DEFB113: variants seen among roughly 807,000 people sequenced by gnomAD.
DEFB113 encodes the protein beta-defensin 113.
A neutral mutation model predicts 2.5 loss-of-function variants in DEFB113; 5 were observed. The ratio of observed to expected loss-of-function variants is 1.99; its 90% CI spans 1.04 to 4.18. The LOEUF (loss-of-function observed/expected upper bound fraction) is 4.18, where lower values mean the gene tolerates loss of function less well. Ranked by LOEUF, DEFB113 falls within the 30% of genes most tolerant of loss-of-function variation. The pLI is 0.00. For synonymous variants in DEFB113, 42 were observed against 31.6 expected (o/e 1.33, Z -1.11); for missense variants, 123 against 96.6 (o/e 1.27, Z -1.14).
In DEFB113 at chr6:49,969,476, A is replaced by G. The variant is rs1022202755; in HGVS notation, c.58+92T>C. 4 of 960,100 alleles carry G rather than the reference A, an allele frequency of 4.2e-6. No individual in the cohort carries two copies. In the African/African-American group the frequency reaches 6.7e-5, roughly 16 times the overall value. The allele number at this position is 960,100 out of a possible 1,614,324, so 59.5% of individuals were successfully genotyped here. ...ATAAGGAGTTCATATGAAATCTCCT[A>G]ACAATAATTTATTTGTTTTTATTAT... On this transcript the variant is annotated intron_variant, in intron 1 of 1. Coordinates refer to ENST00000398718, the MANE Select transcript of DEFB113 (RefSeq NM_001037729.1).
intron 1 of DEFB113, 77 bp downstream of exon 1, chr6:49,969,491 G>GT (rs1773598160): frequency 1.9e-6 from 2 of 1,074,492 alleles, no homozygotes; most frequent in East Asian, 2.5e-5. Context: ...TAATTTATTT[G>GT]TTTTTATTAT....
intron 1 of DEFB113, among the ~76,000 whole-genome samples, chr6:49,969,240 G>C (rs535935606): frequency 3.6e-4 from 54 of 151,084 alleles, no homozygotes; most frequent in African/African-American, 1.3e-3. Flanking sequence ...GCTGTAAAAA[G>C]CTTAATTTTG....
intron 1 of DEFB113, among the ~76,000 whole-genome samples, chr6:49,969,367 A>G (rs1440558841): frequency 1.3e-5 from 2 of 151,214 alleles, no homozygotes; most frequent in South Asian, 4.1e-4. Flanking sequence ...TTAATTCTAC[A>G]TCTCAGGAAG....
Position 49,968,679 on chromosome 6 carries a change from A to T in DEFB113, c.247T>A (p.Ter83LysextTer?). 6.8e-7 allele frequency: 1 copy of T among 1,463,884 alleles called. No homozygotes were observed. Among genetic ancestry groups the T allele is most frequent in the South Asian group, 1.4e-5 (1 of 70,120 alleles). The allele number at this position is 1,463,884 out of a possible 1,614,324, so 90.7% of individuals were successfully genotyped here. ...NKITSKLHQK[*>K] ...ATACAGTGTTTTATAATTATAATTT[A>T]TTTTTGATGGAGTTTACTAGTGATT... The change falls in exon 2 of 2, where the codon TAA becomes AAA. Residue 83 changes from the stop codon to lysine, a stop_lost. Transcript: ENST00000398718.
intron 1 of DEFB113, among the ~76,000 whole-genome samples, chr6:49,969,318 A>T (rs1773596139): frequency 6.6e-6 from 1 of 151,294 alleles, no homozygotes; most frequent in Non-Finnish European, 1.5e-5. Flanking sequence ...TATCTAAAAA[A>T]TTATAGTGTC....
Position 49,969,608 on chromosome 6 carries a change from A to T in DEFB113, c.18T>A (p.Ile6=). The T allele has an allele frequency of 6.2e-7, 1 of 1,606,706 alleles. No homozygotes were observed. Among genetic ancestry groups the T allele is most frequent in the Non-Finnish European group, 8.5e-7 (1 of 1,175,078 alleles). MKILC[I]FLTFVFTVSC... ...ACACAGTGAAGACAAAGGTCAGAAA[A>T]ATACAAAGTATCTTCATTGCTGATG... The change falls in exon 1 of 2, where the codon ATT becomes ATA. Residue 6 remains isoleucine, a synonymous_variant. Transcript: ENST00000398718.
rs1561979240 is a variant in DEFB113, at chr6:49,968,767, A to C, written c.159T>G (p.Tyr53Ter). The C allele has an allele frequency of 1.9e-6, 3 of 1,600,338 alleles. No homozygotes were observed. Among genetic ancestry groups the C allele is most frequent in the Middle Eastern group, 1.7e-4 (1 of 6,030 alleles). Residue 53 changes from tyrosine to a stop codon, truncating the protein, a stop_gained, in exon 2 of 2, where the codon TAT becomes TAG. Coordinates refer to ENST00000398718, the MANE Select transcript of DEFB113 (RefSeq NM_001037729.1). LOFTEE classifies it low-confidence loss of function (END_TRUNC). Reference sequence around the variant, plus strand: ...AGCAGGGGTTAACATTGCAGTAATAATATACATATTCCCAGCTGTTGCATT... The same window carrying C: ...AGCAGGGGTTAACATTGCAGTAATACTATACATATTCCCAGCTGTTGCATT... ...KPECNSWEYV[Y>*]YYCNVNPCCA...
At chr6:49,969,343 C>A (rs371694651) in intron 1 of DEFB113, among the ~76,000 whole-genome samples, 1 of 151,090 alleles carries the variant, frequency 6.6e-6, no homozygotes, top group Non-Finnish European at 1.5e-5. Context: ...CACAAAACAA[C>A]ACAATAAATA....
At chr6:49,969,427 T>A in intron 1 of DEFB113, 141 bp downstream of exon 1, 2 of 543,428 alleles carry the variant, frequency 3.7e-6, no homozygotes, top group East Asian at 3.1e-5. Flanking sequence ...TCTTCCCCCA[T>A]GAAAAAATAG....
At position 49,969,589 on chromosome 6, in the gene DEFB113, T is replaced by C; in HGVS notation, c.37A>G (p.Thr13Ala). The part of the protein sequence containing the change: ...ILCIFLTFVF[T>A]VSCGPSVPQK... ...TTACCTGATGGACCACAAGACACAG[T>C]GAAGACAAAGGTCAGAAAAATACAA... The change falls in exon 1 of 2, where the codon ACT (threonine) becomes GCT (alanine). Residue 13 changes from threonine (T) to alanine (A), a missense_variant. Transcript: ENST00000398718. 1 of 1,607,098 alleles carries C rather than the reference T, an allele frequency of 6.2e-7. No individual in the cohort carries two copies. The highest frequency in any genetic ancestry group is 8.5e-7 in the Non-Finnish European group (1 of 1,175,356).
intron 1 of DEFB113, among the ~76,000 whole-genome samples, 162 bp from the exon 2 acceptor site, chr6:49,969,029 T>C (rs1773591925): frequency 1.3e-5 from 2 of 151,288 alleles, no homozygotes; most frequent in African/African-American, 4.8e-5. Context: ...AATATACTTA[T>C]TTATCTAACA....
chr6:49,969,500 A>G (rs1773598202), intron 1 of DEFB113, 68 bp downstream of exon 1: 1 of 1,141,598 alleles, frequency 8.8e-7, no homozygotes, highest in African/African-American at 1.6e-5. Flanking sequence ...TGTTTTTATT[A>G]TTTTCAGAGT....
At chr6:49,969,164 T>A (rs1773594001) in intron 1 of DEFB113, among the ~76,000 whole-genome samples, 1 of 151,152 alleles carries the variant, frequency 6.6e-6, no homozygotes, top group Non-Finnish European at 1.5e-5. Context: ...GCCTACATGT[T>A]CTGTGTTCTA....
chr6:49,969,170 T>C (rs2113916229), intron 1 of DEFB113, among the ~76,000 whole-genome samples: 1 of 151,216 alleles, frequency 6.6e-6, no homozygotes, highest in East Asian at 1.9e-4. Flanking sequence ...ATGTTCTGTG[T>C]TCTAAATAAT....
chr6:49,969,293 G>A (rs1452131275), intron 1 of DEFB113, among the ~76,000 whole-genome samples: 1 of 151,048 alleles, frequency 6.6e-6, no homozygotes, highest in Non-Finnish European at 1.5e-5. Flanking sequence ...TTTTGAAACA[G>A]AAGGCAGTGG....
chr6:49,969,458 G>T, intron 1 of DEFB113, 110 bp downstream of exon 1: 1 of 742,160 alleles, frequency 1.3e-6, no homozygotes, highest in Non-Finnish European at 2.2e-6. Context: ...CTTATAAGGA[G>T]TTCATATGAA....
intron 1 of DEFB113, 57 bp downstream of exon 1, chr6:49,969,511 A>ATTTTT (rs1773598302): frequency 2.4e-6 from 3 of 1,234,400 alleles, no homozygotes; most frequent in Non-Finnish European, 3.5e-6. Context: ...TTTTCAGAGT[A>ATTTTT]AAGCATTTAT....
At chr6:49,968,991 T>C in intron 1 of DEFB113, 124 bp from the exon 2 acceptor site, 1 of 917,350 alleles carries the variant, frequency 1.1e-6, no homozygotes, top group Non-Finnish European at 1.5e-6. Flanking sequence ...GCAACTCTAT[T>C]GAAATTTTTC....
chr6:49,968,726 T>C lies in DEFB113; in HGVS notation c.200A>G (p.Tyr67Cys). 6.5e-7 allele frequency: 1 copy of C among 1,538,930 alleles called. No homozygotes were observed. The highest frequency in any genetic ancestry group is 8.8e-7 in the Non-Finnish European group (1 of 1,139,414). Reference protein sequence around the residue: ...NVNPCCAVWEYQKPIINKITS... With the variant: ...NVNPCCAVWECQKPIINKITS... ...GATTTTGTTAATGATTGGCTTTTGG[T>C]ATTCCCATACCGCACAGCAGGGGTT... The change falls in exon 2 of 2, where the codon TAC becomes TGC. Residue 67 changes from tyrosine (Y) to cysteine (C), a missense_variant. Physicochemically the swap from Tyr to Cys is radical, Grantham distance 194 (BLOSUM62 -2). Transcript: ENST00000398718.
Sources: gnomAD v4.1 joint callset for allele counts (sites outside exome capture counted in the v4.1 genomes callset) on GRCh38, gnomAD v4.1.1 for gene constraint, MANE v1.5 for transcripts, NCBI Gene and HGNC (gene_info 2026-07-23, HGNC 2026-07-21) for gene names.